HPCAL1: variants seen among roughly 807,000 people sequenced by gnomAD.
HPCAL1 encodes the protein hippocalcin-like protein 1.
Under a neutral mutation model 17.1 loss-of-function variants are expected in HPCAL1, and 8 were observed. The observed-to-expected ratio is 0.47, with a 90% confidence interval of 0.27 to 0.84. The LOEUF is 0.84. Among genes scored for constraint, HPCAL1 ranks in the 40% least tolerant of loss-of-function variants. The pLI, the probability that HPCAL1 is intolerant of heterozygous loss-of-function variation, is 0.13. For synonymous variants in HPCAL1, 112 were observed against 111.4 expected (o/e 1.01, Z -0.03); for missense variants, 165 against 271.1 (o/e 0.61, Z 2.75).
Position 10,333,754 on chromosome 2 carries a change from T to A in HPCAL1, c.-111+30577T>A, listed in dbSNP as rs181356937. Among the ~76,000 whole-genome samples the A allele has an allele frequency of 5.5e-3, 837 of 152,266 alleles. 33 individuals are homozygous for A. The South Asian group carries it at 0.1, about 19-fold the overall frequency. ...CATAACTACCCTGCCCACCTCCATA[T>A]AACTTTTATTAGCATTCTGAGCTAT... On this transcript the variant is annotated intron_variant, in intron 1 of 4. Transcript: ENST00000307845.
chr2:10,320,964 G>T (rs1438928135), intron 1 of HPCAL1, among the ~76,000 whole-genome samples: 1 of 152,162 alleles, frequency 6.6e-6, no homozygotes, highest in East Asian at 1.9e-4. Flanking sequence ...GAGGGTGAGG[G>T]TATTGGATGG....
At chr2:10,398,673 C>G (rs766166277) in intron 2 of HPCAL1, among the ~76,000 whole-genome samples, 2 of 152,058 alleles carry the variant, frequency 1.3e-5, no homozygotes, top group Non-Finnish European at 2.9e-5. Context: ...CCACCCTCTG[C>G]CCGTCCCCTG....
At chr2:10,356,798 C>T (rs1384587288) in intron 1 of HPCAL1, among the ~76,000 whole-genome samples, 1 of 152,156 alleles carries the variant, frequency 6.6e-6, no homozygotes, top group African/African-American at 2.4e-5. Context: ...CCCCTCCCTC[C>T]AGGTGGACCC....
chr2:10,411,385 G>A (rs1006154980), intron 2 of HPCAL1, among the ~76,000 whole-genome samples: 2 of 152,122 alleles, frequency 1.3e-5, no homozygotes, highest in Non-Finnish European at 2.9e-5. Context: ...GCCTCCTCTC[G>A]GCCTAGCCAG....
chr2:10,416,936 C>G (rs1670710675), intron 2 of HPCAL1, among the ~76,000 whole-genome samples: 1 of 152,186 alleles, frequency 6.6e-6, no homozygotes. Flanking sequence ...TTCCTCAACT[C>G]CTCCATGAAA....
Position 10,419,891 on chromosome 2 carries a change from T to C in HPCAL1, c.134T>C (p.Val45Ala). The part of the protein sequence containing the change: ...LKDCPTGHLT[V>A]DEFKKIYANF... ...GACTGCCCCACCGGCCACCTGACCG[T>C]GGACGAGTTCAAGAAGATCTACGCC... The change falls in exon 3 of 5, where the codon GTG (valine) becomes GCG (alanine). Residue 45 changes from valine to alanine, a missense_variant. Transcript: ENST00000307845. This position sits in a 1 kb window ranked among gnomAD's most constrained non-coding sequence, Gnocchi z 5.0. 5 of 1,613,854 alleles carry C rather than the reference T, an allele frequency of 3.1e-6. No homozygotes were observed. In the South Asian group the frequency reaches 5.5e-5, roughly 18 times the overall value.
chr2:10,419,503 T>G lies in HPCAL1; in HGVS notation c.-24-231T>G, dbSNP rs1453917181. Among the ~76,000 whole-genome samples the G allele has an allele frequency of 6.6e-6, 1 of 151,852 alleles. No individual in the cohort carries two copies. Among genetic ancestry groups the G allele is most frequent in the Non-Finnish European group, 1.5e-5 (1 of 68,000 alleles). On this transcript the variant is annotated intron_variant, in intron 2 of 4. Coordinates refer to ENST00000307845, the MANE Select transcript of HPCAL1 (RefSeq NM_002149.4). This position sits in a 1 kb window ranked among gnomAD's most constrained non-coding sequence, Gnocchi z 5.0. ...TTTTCCCCCCCGCATTTCCACATTC[T>G]CCAAGTGAGAACGTGTCCCGCAGTG...
At chr2:10,399,124 G>T (rs528713636) in intron 2 of HPCAL1, among the ~76,000 whole-genome samples, 1 of 151,432 alleles carries the variant, frequency 6.6e-6, no homozygotes, top group Admixed American at 6.6e-5. Context: ...GATCAGAAGA[G>T]GGTAGAGGAG....
At chr2:10,398,973 G>A (rs907964456) in intron 2 of HPCAL1, among the ~76,000 whole-genome samples, 1 of 152,112 alleles carries the variant, frequency 6.6e-6, no homozygotes, top group Non-Finnish European at 1.5e-5. Context: ...GGAACATCTG[G>A]GTCCGTGTTA....
At chr2:10,399,293 C>A (rs1236144855) in intron 2 of HPCAL1, among the ~76,000 whole-genome samples, 1 of 147,548 alleles carries the variant, frequency 6.8e-6, no homozygotes, top group Non-Finnish European at 1.5e-5. Context: ...CCACCACCAC[C>A]ACCATCACCA....
chr2:10,401,932 G>A (rs796948363), intron 2 of HPCAL1, among the ~76,000 whole-genome samples: 34 of 152,244 alleles, frequency 2.2e-4, no homozygotes, highest in African/African-American at 5.3e-4. Flanking sequence ...AGACAGTCTC[G>A]CTGTGTCTCC....
chr2:10,327,022 C>T (rs1328771462), intron 1 of HPCAL1, among the ~76,000 whole-genome samples: 1 of 152,192 alleles, frequency 6.6e-6, no homozygotes, highest in Admixed American at 6.5e-5. Context: ...AACTCCTTCT[C>T]CCAGGTGGCC....
intron 1 of HPCAL1, among the ~76,000 whole-genome samples, chr2:10,328,208 C>T (rs1548869): frequency 0.042 from 6,452 of 152,272 alleles, 455 homozygotes; most frequent in African/African-American, 0.15. Context: ...GAGGAGGACA[C>T]TGAGGCCCAG....
intron 2 of HPCAL1, among the ~76,000 whole-genome samples, chr2:10,414,997 C>A (rs534033121): frequency 3.3e-4 from 50 of 152,330 alleles, no homozygotes; most frequent in African/African-American, 1.2e-3. Context: ...CAATAGAAAG[C>A]CTTGAGAGCA....
At chr2:10,333,715 GA>G (rs796652623) in intron 1 of HPCAL1, among the ~76,000 whole-genome samples, 26 of 152,168 alleles carry the variant, frequency 1.7e-4, no homozygotes, top group African/African-American at 5.5e-4. Context: ...GAAAAACAGA[GA>G]AAAAAATTCC....
intron 2 of HPCAL1, among the ~76,000 whole-genome samples, chr2:10,410,436 C>CTTCT (rs1553360281): frequency 1.4e-3 from 110 of 77,538 alleles, no homozygotes; most frequent in Non-Finnish European, 1.7e-3. Flanking sequence ...TCTTCTTCTT[C>CTTCT]TTTTTTTTTT....
chr2:10,416,480 C>G (rs1163034987), intron 2 of HPCAL1, among the ~76,000 whole-genome samples: 2 of 152,212 alleles, frequency 1.3e-5, no homozygotes, highest in Non-Finnish European at 2.9e-5. Context: ...GCCCACATCT[C>G]CAAGCCAGGT....
intron 1 of HPCAL1, among the ~76,000 whole-genome samples, chr2:10,389,193 G>C (rs900091051): frequency 3.9e-5 from 6 of 152,130 alleles, no homozygotes; most frequent in Non-Finnish European, 7.4e-5. Flanking sequence ...TGACGACCTG[G>C]AAATTACCAC....
rs143143384 is a variant in HPCAL1, at chr2:10,367,176, C to T, written c.-110-29659C>T. Among the ~76,000 whole-genome samples the T allele has an allele frequency of 6.6e-6, 1 of 151,976 alleles. No individual in the cohort carries two copies. Among genetic ancestry groups the T allele is most frequent in the East Asian group, 1.9e-4 (1 of 5,150 alleles). ...CCAGTTTATTGTCATCTGCTTGGGA[C>T]TTGAGGGTAACTTCATCTCTCAAAA... is the stretch of plus-strand genomic sequence containing the variant. On this transcript the variant is annotated intron_variant, in intron 1 of 4. Transcript: ENST00000307845. This position sits in a 1 kb window ranked among gnomAD's most constrained non-coding sequence, Gnocchi z 4.4.
Sources: gnomAD v4.1 joint callset for allele counts (sites outside exome capture counted in the v4.1 genomes callset) on GRCh38, gnomAD v4.1.1 for gene constraint, Gnocchi (gnomAD v3.1) non-coding constraint, MANE v1.5 for transcripts, NCBI Gene and HGNC (gene_info 2026-07-23, HGNC 2026-07-21) for gene names.